The following MAP2K6 variants were observed in gnomAD, a reference collection of about 807,000 sequenced individuals.
The protein encoded by MAP2K6 is dual specificity mitogen-activated protein kinase kinase 6.
MAP2K6 carries 16 observed loss-of-function variants against 53.7 expected under a neutral mutation model. The observed-to-expected ratio is 0.30, with a 90% confidence interval of 0.20 to 0.45. MAP2K6 has a LOEUF of 0.45. Ranked by LOEUF, MAP2K6 falls within the 20% of genes least tolerant of loss-of-function variation. The probability of loss-of-function intolerance (pLI) is 1.00; values close to 1 mark genes in which losing one functional copy is unlikely to be tolerated. For missense variants in MAP2K6, 204 were observed against 411.9 expected, an observed-to-expected ratio of 0.50 and a Z score of 4.37; for synonymous variants, 132 against 143.1, an observed-to-expected ratio of 0.92 and a Z score of 0.55.
intron 1 of MAP2K6, among the ~76,000 whole-genome samples, chr17:69,467,240 G>A (rs577807142): frequency 4.7e-4 from 72 of 152,316 alleles, no homozygotes; most frequent in African/African-American, 1.7e-3. Flanking sequence ...TACCATATAT[G>A]AATAGGTACA....
At chr17:69,415,858 A>G (rs1222172587) in intron 1 of MAP2K6, among the ~76,000 whole-genome samples, 1 of 152,172 alleles carries the variant, frequency 6.6e-6, no homozygotes, top group Non-Finnish European at 1.5e-5. Context: ...AGTTCACGTT[A>G]TGGTTGTTTT....
intron 1 of MAP2K6, among the ~76,000 whole-genome samples, chr17:69,475,008 A>G (rs1044119096): frequency 1.3e-5 from 2 of 152,218 alleles, no homozygotes; most frequent in Non-Finnish European, 2.9e-5. Context: ...AATTGAGACA[A>G]ACATTTGTAT....
intron 1 of MAP2K6, among the ~76,000 whole-genome samples, chr17:69,480,372 G>A (rs769788018): frequency 2.6e-5 from 4 of 152,136 alleles, no homozygotes; most frequent in Non-Finnish European, 5.9e-5. Flanking sequence ...TGGCAAGCAC[G>A]GGGAACAGGA....
At chr17:69,483,783 A>G (rs1334577672) in intron 1 of MAP2K6, among the ~76,000 whole-genome samples, 1 of 152,138 alleles carries the variant, frequency 6.6e-6, no homozygotes, top group African/African-American at 2.4e-5. Context: ...AAGTCCATAA[A>G]TAAATCCTTG....
chr17:69,465,203 A>T (rs1453610981), intron 1 of MAP2K6, among the ~76,000 whole-genome samples: 1 of 150,914 alleles, frequency 6.6e-6, no homozygotes, highest in Non-Finnish European at 1.5e-5. Flanking sequence ...TCCAGGCAAG[A>T]ATTCCAGATT....
chr17:69,489,506 C>A (rs1908665894), intron 1 of MAP2K6, among the ~76,000 whole-genome samples: 1 of 152,210 alleles, frequency 6.6e-6, no homozygotes, highest in African/African-American at 2.4e-5. Flanking sequence ...TCTTTTGACA[C>A]CCTGAGTTAT....
At chr17:69,430,580 A>G (rs753834300) in intron 1 of MAP2K6, among the ~76,000 whole-genome samples, 1 of 152,182 alleles carries the variant, frequency 6.6e-6, no homozygotes, top group Non-Finnish European at 1.5e-5. Context: ...TAGGGTGTAG[A>G]AGGACACACA....
intron 7 of MAP2K6, 29 bp downstream of exon 7, chr17:69,521,129 T>C: frequency 6.2e-7 from 1 of 1,601,650 alleles, no homozygotes; most frequent in Non-Finnish European, 8.5e-7. Flanking sequence ...CCTTGGCTGT[T>C]CCTTTGATAA....
intron 1 of MAP2K6, among the ~76,000 whole-genome samples, chr17:69,442,678 TTCCCTTTG>T (rs1180659832): frequency 3.3e-5 from 5 of 152,194 alleles, no homozygotes; most frequent in African/African-American, 9.6e-5. Context: ...ACAAACCTAG[TTCCCTTTG>T]TCCCTTTGTC....
intron 1 of MAP2K6, among the ~76,000 whole-genome samples, chr17:69,475,496 C>A (rs757053448): frequency 4.6e-5 from 7 of 152,174 alleles, no homozygotes; most frequent in Non-Finnish European, 8.8e-5. Context: ...GAAAATGGTT[C>A]TAAACTTTTC....
chr17:69,527,236 C>T (rs1910823984), intron 10 of MAP2K6, among the ~76,000 whole-genome samples: 1 of 152,208 alleles, frequency 6.6e-6, no homozygotes, highest in African/African-American at 2.4e-5. Context: ...CAAAGAATTA[C>T]TTTCGGTGAG....
At chr17:69,513,688 G>T (rs1010349979) in intron 2 of MAP2K6, among the ~76,000 whole-genome samples, 14 of 152,156 alleles carry the variant, frequency 9.2e-5, no homozygotes, top group African/African-American at 3.4e-4. Context: ...ACCACAGGCT[G>T]TAATTTGCTG....
chr17:69,496,601 T>C (rs575148016), intron 1 of MAP2K6, among the ~76,000 whole-genome samples: 177 of 152,314 alleles, frequency 1.2e-3, no homozygotes, highest in African/African-American at 4.0e-3. Flanking sequence ...ACTCCTGACC[T>C]AAAGTGATCC....
chr17:69,461,235 A>C (rs966045537), intron 1 of MAP2K6, among the ~76,000 whole-genome samples: 9 of 152,118 alleles, frequency 5.9e-5, no homozygotes, highest in African/African-American at 1.7e-4. Flanking sequence ...GAAAACTCTC[A>C]TGACTTTCCT....
At chr17:69,449,248 A>G (rs1015435912) in intron 1 of MAP2K6, among the ~76,000 whole-genome samples, 1 of 152,088 alleles carries the variant, frequency 6.6e-6, no homozygotes, top group African/African-American at 2.4e-5. Flanking sequence ...TACTAGTATT[A>G]TATGCTATAT....
intron 1 of MAP2K6, among the ~76,000 whole-genome samples, chr17:69,466,648 G>A (rs182759674): frequency 5.9e-5 from 9 of 152,348 alleles, no homozygotes; most frequent in Admixed American, 1.3e-4. Context: ...TGTGAATGCC[G>A]GGAAATCCCG....
At chr17:69,471,765 C>T (rs765615276) in intron 1 of MAP2K6, among the ~76,000 whole-genome samples, 21 of 152,172 alleles carry the variant, frequency 1.4e-4, no homozygotes, top group Non-Finnish European at 2.2e-4. Flanking sequence ...AACAAAGTGT[C>T]AGCTTTAAAT....
At chr17:69,524,003 C>T (rs1019042948) in intron 8 of MAP2K6, among the ~76,000 whole-genome samples, 4 of 152,090 alleles carry the variant, frequency 2.6e-5, no homozygotes, top group African/African-American at 9.7e-5. Flanking sequence ...CCTGCTTAGT[C>T]CTCGCACGGT....
Position 69,520,896 on chromosome 17 carries a change from A to C in MAP2K6, c.484-153A>C, listed in dbSNP as rs1598306932. On this transcript the variant is annotated intron_variant, in intron 6 of 11. Coordinates refer to ENST00000590474, the MANE Select transcript of MAP2K6 (RefSeq NM_002758.4). ...TGGTGGATGGAGTCCAATTTGTGTA[A>C]CTTCCTATGTATTTTCCTAGATAGG... 1.8e-5 allele frequency: 10 copies of C among 561,464 alleles called. 1 individual carries two copies. The East Asian group carries it at 3.1e-4, about 17-fold the overall frequency. 34.8% of individuals were successfully genotyped at this position (561,464 alleles called of 1,614,324 possible).
Sources: allele counts gnomAD v4.1 joint callset (sites outside exome capture counted in the v4.1 genomes callset), GRCh38; gene constraint gnomAD v4.1.1; transcripts MANE v1.5; gene names NCBI Gene and HGNC (gene_info 2026-07-23, HGNC 2026-07-21).